EXOC4: variants seen among roughly 807,000 people sequenced by gnomAD.
EXOC4 encodes the protein SEC8-like 1.
Under a neutral mutation model 107.2 loss-of-function variants are expected in EXOC4, and 71 were observed. That is an observed-to-expected ratio of 0.66 (90% CI 0.55 to 0.81). The LOEUF is 0.81. EXOC4 is among the 30% of genes least tolerant of loss of function. The pLI is 0.00. For missense variants in EXOC4, 1,108 were observed against 1,189.6 expected (o/e 0.93, Z 1.01); for synonymous variants, 456 against 441.2 (o/e 1.03, Z -0.42).
At chr7:133,888,335 A>G (rs936531473) in intron 11 of EXOC4, among the ~76,000 whole-genome samples, 2 of 152,178 alleles carry the variant, frequency 1.3e-5, no homozygotes, top group Non-Finnish European at 2.9e-5. Flanking sequence ...CTGGAAAAGT[A>G]TTTTTTAAGC....
chr7:133,310,403 T>A (rs983175596), intron 4 of EXOC4, among the ~76,000 whole-genome samples: 14 of 152,154 alleles, frequency 9.2e-5, no homozygotes, highest in African/African-American at 3.1e-4. Context: ...ATACAGAAGG[T>A]CCTAGAATAA....
intron 1 of EXOC4, among the ~76,000 whole-genome samples, chr7:133,257,578 C>T (rs560495309): frequency 6.6e-6 from 1 of 152,302 alleles, no homozygotes; most frequent in East Asian, 1.9e-4. Context: ...AGGTGATTTG[C>T]TTTCCAATTA....
chr7:133,479,952 C>T lies in EXOC4; in HGVS notation c.1329-98C>T. 4.0e-6 allele frequency: 4 copies of T among 997,288 alleles called. 1 individual carries two copies. Among genetic ancestry groups the T allele is most frequent in the Middle Eastern group, 4.4e-4 (2 of 4,574 alleles). The allele number at this position is 997,288 out of a possible 1,614,324, so 61.8% of individuals were successfully genotyped here. A position where few individuals can be genotyped will look rare whatever the true frequency, so the allele number is the denominator to read the frequency against. On this transcript the variant is annotated intron_variant, in intron 8 of 17. Coordinates refer to ENST00000253861, the MANE Select transcript of EXOC4 (RefSeq NM_021807.4). Reference sequence around the variant, plus strand: ...GTCTTCATCACGGAACATCGGGGAGCACCACACAGACCAGAGTAGAATAAT... The same window carrying T: ...GTCTTCATCACGGAACATCGGGGAGTACCACACAGACCAGAGTAGAATAAT...
chr7:134,055,765 T>G (rs1417976065), intron 17 of EXOC4, among the ~76,000 whole-genome samples: 2 of 152,214 alleles, frequency 1.3e-5, no homozygotes, highest in African/African-American at 4.8e-5. Context: ...CTAGTTTTGC[T>G]TTACTTTAAA....
At chr7:133,772,183 T>C (rs1164305462) in intron 10 of EXOC4, among the ~76,000 whole-genome samples, 8 of 152,024 alleles carry the variant, frequency 5.3e-5, no homozygotes, top group African/African-American at 1.9e-4. Context: ...TGCACATTTA[T>C]GTTTCCTACT....
At chr7:133,932,736 C>T (rs1343367875) in intron 13 of EXOC4, among the ~76,000 whole-genome samples, 1 of 152,154 alleles carries the variant, frequency 6.6e-6, no homozygotes, top group Non-Finnish European at 1.5e-5. Context: ...TAACCAATTA[C>T]CACTGTTGTC....
At chr7:133,500,177 TA>T (rs1799551233) in intron 9 of EXOC4, among the ~76,000 whole-genome samples, 1 of 152,202 alleles carries the variant, frequency 6.6e-6, no homozygotes, top group South Asian at 2.1e-4. Flanking sequence ...CACATTTATT[TA>T]AAATGAACAG....
intron 10 of EXOC4, among the ~76,000 whole-genome samples, chr7:133,816,790 T>A (rs1164888539): frequency 1.3e-5 from 2 of 152,148 alleles, no homozygotes; most frequent in Non-Finnish European, 2.9e-5. Flanking sequence ...GGTTCATGCT[T>A]CTATGACAAT....
chr7:133,368,218 AGTTT>A (rs540011330), intron 6 of EXOC4, among the ~76,000 whole-genome samples: 9 of 152,182 alleles, frequency 5.9e-5, no homozygotes, highest in Admixed American at 3.9e-4. Context: ...TCATTGTAAT[AGTTT>A]GTTTGGAGGG....
chr7:133,896,219 C>G (rs1799303396), intron 12 of EXOC4, among the ~76,000 whole-genome samples: 1 of 152,102 alleles, frequency 6.6e-6, no homozygotes, highest in South Asian at 2.1e-4. Context: ...CAATGAAAAA[C>G]CATTGTTATG....
intron 9 of EXOC4, among the ~76,000 whole-genome samples, chr7:133,520,212 G>C (rs2150909317): frequency 6.6e-6 from 1 of 152,276 alleles, no homozygotes. Context: ...GTTCTTACCA[G>C]ATAAAATCCT....
At chr7:133,253,218 C>A in intron 1 of EXOC4, 31 bp downstream of exon 1, 1 of 1,605,094 alleles carries the variant, frequency 6.2e-7, no homozygotes, top group Non-Finnish European at 8.5e-7. Flanking sequence ...GGTCTGGGGA[C>A]TGGGGGCAGC....
chr7:133,700,024 C>T (rs557552317), intron 10 of EXOC4, among the ~76,000 whole-genome samples: 2 of 152,204 alleles, frequency 1.3e-5, no homozygotes, highest in African/African-American at 4.8e-5. Context: ...ATGTGTTATT[C>T]AATCCTATAT....
chr7:133,346,563 T>G (rs1052257788), intron 5 of EXOC4, among the ~76,000 whole-genome samples: 3 of 152,246 alleles, frequency 2.0e-5, no homozygotes, highest in Admixed American at 1.3e-4. Flanking sequence ...GTAACTTTCT[T>G]ACTATTTTCT....
chr7:133,943,903 A>G lies in EXOC4; in HGVS notation c.2206+5834A>G, dbSNP rs960682330. Among the ~76,000 whole-genome samples the G allele has an allele frequency of 5.9e-5, 9 of 152,122 alleles. No homozygotes were observed. The East Asian group carries it at 1.5e-3, about 26-fold the overall frequency. On this transcript the variant is annotated intron_variant, in intron 14 of 17. Transcript: ENST00000253861. ...TTTTCTCACAATTCTCAAAGATTCT[A>G]GCTGCAATTTTATAACACACCCCAA...
intron 17 of EXOC4, among the ~76,000 whole-genome samples, chr7:134,024,225 C>T (rs1054312185): frequency 2.6e-5 from 4 of 152,226 alleles, no homozygotes; most frequent in Non-Finnish European, 2.9e-5. Context: ...CCGAGGCAGG[C>T]GGATCACGAA....
In EXOC4 at chr7:133,484,246, A is replaced by G. The variant is rs1049558662; in HGVS notation, c.1417+4108A>G. On this transcript the variant is annotated intron_variant, in intron 9 of 17. Coordinates refer to ENST00000253861, the MANE Select transcript of EXOC4 (RefSeq NM_021807.4). The stretch of plus-strand genomic sequence containing the variant: ...TGCATCTCAATAGGCTCTAACTGTT[A>G]TGGTACAGATGGTTCATTATATAGT... 59 of 1,335,496 alleles carry G rather than the reference A, an allele frequency of 4.4e-5. No individual in the cohort carries two copies. The East Asian group carries it at 1.0e-3, about 23-fold the overall frequency. The allele number at this position is 1,335,496 out of a possible 1,614,324, so 82.7% of individuals were successfully genotyped here. A position where few individuals can be genotyped will look rare whatever the true frequency, so the allele number is the denominator to read the frequency against.
In EXOC4 at chr7:133,356,559, G is replaced by A; in HGVS notation, c.993G>A (p.Val331=). The A allele has an allele frequency of 6.2e-7, 1 of 1,613,950 alleles. No individual in the cohort carries two copies. The highest frequency in any genetic ancestry group is 8.5e-7 in the Non-Finnish European group (1 of 1,179,908). ...SGYQRGENVT[V]ENQPRLLLEL... is the part of the protein sequence containing the mutation. ...ATCAGCGGGGGGAGAACGTTACTGTGGAGAACCAACCAAGGTAGGTGGGAG... is the reference window on the plus strand; with the variant it reads ...ATCAGCGGGGGGAGAACGTTACTGTAGAGAACCAACCAAGGTAGGTGGGAG... Residue 331 remains valine, a synonymous_variant, in exon 6 of 18, where the codon GTG becomes GTA. Coordinates refer to ENST00000253861, the MANE Select transcript of EXOC4 (RefSeq NM_021807.4).
chr7:133,265,448 A>G (rs981100829), intron 1 of EXOC4, among the ~76,000 whole-genome samples: 8 of 152,076 alleles, frequency 5.3e-5, no homozygotes, highest in African/African-American at 1.7e-4. Flanking sequence ...ACAAGAGAGA[A>G]GGTAGCACGG....
Sources: gnomAD v4.1 joint callset for allele counts (sites outside exome capture counted in the v4.1 genomes callset) on GRCh38, gnomAD v4.1.1 for gene constraint, MANE v1.5 for transcripts, NCBI Gene and HGNC (gene_info 2026-07-23, HGNC 2026-07-21) for gene names.